The following KCNJ6 variants were observed in gnomAD, a reference collection of about 807,000 sequenced individuals.
KCNJ6 encodes the protein G protein-activated inward rectifier potassium channel 2.
Under a neutral mutation model 34.2 loss-of-function variants are expected in KCNJ6, and 9 were observed. That is an observed-to-expected ratio of 0.26 (90% confidence interval 0.16 to 0.46). The LOEUF is 0.46. KCNJ6 is among the 20% of genes least tolerant of loss of function. The pLI is 1.00. For missense variants in KCNJ6, 236 were observed against 531.3 expected (o/e 0.44, Z 5.46); for synonymous variants, 196 against 207.1 (o/e 0.95, Z 0.46).
At chr21:37,704,679 T>TCATCAC (rs1395224273) in intron 3 of KCNJ6, among the ~76,000 whole-genome samples, 1 of 151,688 alleles carries the variant, frequency 6.6e-6, no homozygotes. Flanking sequence ...ATCATCATCA[T>TCATCAC]CATCATCTCC....
At chr21:37,777,253 G>C (rs1311161847) in intron 2 of KCNJ6, among the ~76,000 whole-genome samples, 1 of 151,802 alleles carries the variant, frequency 6.6e-6, no homozygotes, top group African/African-American at 2.4e-5. Flanking sequence ...TTCTTTATTA[G>C]TCTTGCTAGC....
intron 3 of KCNJ6, among the ~76,000 whole-genome samples, chr21:37,630,750 A>G (rs1225634869): frequency 6.6e-6 from 1 of 152,250 alleles, no homozygotes; most frequent in African/African-American, 2.4e-5. Flanking sequence ...TAATTAACAT[A>G]GCCATTACCT....
chr21:37,848,471 T>C (rs1274857492), intron 1 of KCNJ6, among the ~76,000 whole-genome samples: 1 of 152,194 alleles, frequency 6.6e-6, no homozygotes, highest in African/African-American at 2.4e-5. Context: ...GAGAAAGCCC[T>C]CTTTGCAATA....
chr21:37,913,944 T>C (rs1271902921), intron 1 of KCNJ6, among the ~76,000 whole-genome samples: 1 of 151,642 alleles, frequency 6.6e-6, no homozygotes, highest in African/African-American at 2.4e-5. Context: ...GGGCAAGGGA[T>C]GCATGCTTTT....
intron 2 of KCNJ6, among the ~76,000 whole-genome samples, chr21:37,805,318 T>C (rs1479696231): frequency 6.6e-6 from 1 of 151,542 alleles, no homozygotes; most frequent in South Asian, 2.1e-4. Context: ...TTCTGGGGAG[T>C]GATACTGGGG....
chr21:37,755,800 G>A (rs2055021356), intron 2 of KCNJ6, among the ~76,000 whole-genome samples: 1 of 152,216 alleles, frequency 6.6e-6, no homozygotes, highest in African/African-American at 2.4e-5. Flanking sequence ...GGTACAGGCA[G>A]CAGGAGCTGT....
chr21:37,832,985 G>A, intron 2 of KCNJ6, among the ~76,000 whole-genome samples: 1 of 151,144 alleles, frequency 6.6e-6, no homozygotes. Flanking sequence ...TTATCTCCCT[G>A]TCCCCCAGTC....
chr21:37,821,548 G>T (rs552318967), intron 2 of KCNJ6, among the ~76,000 whole-genome samples: 4 of 151,852 alleles, frequency 2.6e-5, no homozygotes, highest in South Asian at 2.1e-4. Flanking sequence ...CCTTTCCCCT[G>T]CCCCCCCAAC....
chr21:37,805,796 A>G (rs2055290733), intron 2 of KCNJ6, among the ~76,000 whole-genome samples: 1 of 152,184 alleles, frequency 6.6e-6, no homozygotes, highest in East Asian at 1.9e-4. Flanking sequence ...GTGTGTGATG[A>G]CAGTGGCAGA....
chr21:37,790,794 T>C (rs1223110162), intron 2 of KCNJ6, among the ~76,000 whole-genome samples: 1 of 152,230 alleles, frequency 6.6e-6, no homozygotes, highest in East Asian at 1.9e-4. Context: ...GAGAAAACTT[T>C]GTAAACAGGA....
At chr21:37,632,069 A>C (rs1236395426) in intron 3 of KCNJ6, among the ~76,000 whole-genome samples, 1 of 152,084 alleles carries the variant, frequency 6.6e-6, no homozygotes, top group Non-Finnish European at 1.5e-5. Context: ...TTGGCTTTAG[A>C]GAAAGAAGTA....
intron 2 of KCNJ6, among the ~76,000 whole-genome samples, chr21:37,735,055 G>A (rs1419570224): frequency 1.3e-5 from 2 of 152,096 alleles, no homozygotes; most frequent in Non-Finnish European, 2.9e-5. Context: ...GCCCAAAGCT[G>A]TCAGCCCAAG....
At chr21:37,800,121 A>G (rs2123531026) in intron 2 of KCNJ6, among the ~76,000 whole-genome samples, 1 of 152,296 alleles carries the variant, frequency 6.6e-6, no homozygotes, top group East Asian at 1.9e-4. Context: ...TTGGAAATGG[A>G]GCATTTATCA....
intron 1 of KCNJ6, among the ~76,000 whole-genome samples, chr21:37,854,035 C>CA (rs1167302768): frequency 2.0e-5 from 3 of 149,656 alleles, no homozygotes; most frequent in Admixed American, 1.3e-4. Flanking sequence ...AATCACAAAA[C>CA]AAAAAACAAA....
chr21:37,685,269 C>T (rs549440292), intron 3 of KCNJ6, among the ~76,000 whole-genome samples: 5 of 152,058 alleles, frequency 3.3e-5, no homozygotes, highest in Admixed American at 3.3e-4. Context: ...TAGACAAAGG[C>T]GTGCCTGTCT....
intron 3 of KCNJ6, among the ~76,000 whole-genome samples, chr21:37,710,774 G>C (rs2123446868): frequency 6.6e-6 from 1 of 152,224 alleles, no homozygotes; most frequent in Middle Eastern, 3.4e-3. Flanking sequence ...GAGCACGTTT[G>C]TTTACGTAGC....
intron 3 of KCNJ6, among the ~76,000 whole-genome samples, chr21:37,691,305 G>A (rs1489823226): frequency 1.3e-5 from 2 of 152,142 alleles, no homozygotes; most frequent in Non-Finnish European, 2.9e-5. Context: ...ATTCCCACAG[G>A]GTCTTCATTT....
chr21:37,644,056 G>A (rs2054392929), intron 3 of KCNJ6, among the ~76,000 whole-genome samples: 1 of 152,202 alleles, frequency 6.6e-6, no homozygotes, highest in African/African-American at 2.4e-5. Context: ...AAAAAAGAAT[G>A]AGATCATGTT....
chr21:37,839,278 A>G (rs949521810), intron 2 of KCNJ6, among the ~76,000 whole-genome samples: 1 of 152,204 alleles, frequency 6.6e-6, no homozygotes, highest in African/African-American at 2.4e-5. Flanking sequence ...TGATACAGAA[A>G]TAAGAGCAGG....
Sources: gnomAD v4.1 joint callset for allele counts (sites outside exome capture counted in the v4.1 genomes callset) on GRCh38, gnomAD v4.1.1 for gene constraint, MANE v1.5 for transcripts, NCBI Gene and HGNC (gene_info 2026-07-23, HGNC 2026-07-21) for gene names.